The following ZFR variants were observed in gnomAD, a reference collection of about 807,000 sequenced individuals.
ZFR encodes zinc finger RNA-binding protein.
A neutral mutation model predicts 130.7 loss-of-function variants in ZFR; 19 were observed. The ratio of observed to expected loss-of-function variants is 0.15; its 90% confidence interval spans 0.10 to 0.21. ZFR has a LOEUF of 0.21. Among genes scored for constraint, ZFR ranks in the 10% least tolerant of loss-of-function variants. The pLI is 1.00. For missense variants in ZFR, 872 were observed against 1,321.5 expected (o/e 0.66, Z 5.27); for synonymous variants, 466 against 456.9 (o/e 1.02, Z -0.25).
chr5:32,364,481 C>T, intron 17 of ZFR: 1 of 269,860 alleles, frequency 3.7e-6, no homozygotes, highest in Non-Finnish European at 7.0e-6. Flanking sequence ...GTCTGTAATC[C>T]AAACACTTTG....
chr5:32,428,867 T>C lies in ZFR; in HGVS notation c.138-8764A>G, dbSNP rs1754134568. Among the ~76,000 whole-genome samples the C allele has an allele frequency of 3.9e-5, 6 of 152,092 alleles. No individual in the cohort carries two copies. In the South Asian group the frequency reaches 1.2e-3, roughly 32 times the overall value. On this transcript the variant is annotated intron_variant, in intron 2 of 19. Transcript: ENST00000265069. ...CAGCAAGCTACTGCACAAATATCAC[T>C]TTCCGTGTTAGCAGAGACATGGAAG...
intron 7 of ZFR, 105 bp from the exon 8 acceptor site, chr5:32,403,502 G>T: frequency 1.4e-6 from 2 of 1,392,916 alleles, no homozygotes; most frequent in Middle Eastern, 2.1e-4. Flanking sequence ...TTTCTTTGTT[G>T]TATTTTTTCT....
At chr5:32,417,269 A>G (rs1342622665) in intron 4 of ZFR, among the ~76,000 whole-genome samples, 3 of 152,164 alleles carry the variant, frequency 2.0e-5, no homozygotes, top group Non-Finnish European at 4.4e-5. Flanking sequence ...CGATCAGAGA[A>G]AGATTAATTA....
At chr5:32,359,533 G>C (rs972727151) in intron 19 of ZFR, among the ~76,000 whole-genome samples, 12 of 152,176 alleles carry the variant, frequency 7.9e-5, no homozygotes, top group Admixed American at 5.9e-4. Context: ...ACTGTAGCTG[G>C]TTTTCAATGA....
At chr5:32,413,172 G>C (rs1050791513) in intron 5 of ZFR, among the ~76,000 whole-genome samples, 7 of 150,576 alleles carry the variant, frequency 4.6e-5, no homozygotes, top group African/African-American at 1.7e-4. Context: ...CGAGGCGACA[G>C]AGTGAGACTC....
At chr5:32,433,635 A>G (rs1367543254) in intron 2 of ZFR, among the ~76,000 whole-genome samples, 1 of 152,158 alleles carries the variant, frequency 6.6e-6, no homozygotes, top group Non-Finnish European at 1.5e-5. Flanking sequence ...CCTGCAAAAC[A>G]TTTTCAATTT....
At chr5:32,389,971 C>T (rs921621935) in intron 12 of ZFR, among the ~76,000 whole-genome samples, 3 of 152,102 alleles carry the variant, frequency 2.0e-5, no homozygotes, top group African/African-American at 4.8e-5. Context: ...GCCAACGTGG[C>T]GAAACTCTAT....
chr5:32,430,770 G>GA (rs983242249), intron 2 of ZFR, among the ~76,000 whole-genome samples: 3 of 151,822 alleles, frequency 2.0e-5, no homozygotes, highest in Non-Finnish European at 4.4e-5. Flanking sequence ...TTAAGATGAA[G>GA]AAAAAAAACC....
intron 14 of ZFR, 141 bp downstream of exon 14, chr5:32,387,408 C>A (rs1453239725): frequency 3.5e-6 from 3 of 854,490 alleles, no homozygotes; most frequent in Non-Finnish European, 5.4e-6. Flanking sequence ...TCAGTTTGCA[C>A]AATCAAACAA....
chr5:32,388,783 ATCT>A (rs1463434099), intron 12 of ZFR, 109 bp from the exon 13 acceptor site: 9 of 1,040,844 alleles, frequency 8.6e-6, no homozygotes, highest in Non-Finnish European at 1.2e-5. Flanking sequence ...GAAAGCCTTT[ATCT>A]TCTTTTTTCC....
At chr5:32,441,831 G>C (rs989954120) in intron 2 of ZFR, among the ~76,000 whole-genome samples, 1 of 152,142 alleles carries the variant, frequency 6.6e-6, no homozygotes, top group Non-Finnish European at 1.5e-5. Context: ...TTATGTACAA[G>C]AGTGCCTAAG....
intron 8 of ZFR, among the ~76,000 whole-genome samples, chr5:32,402,278 G>C (rs1753464995): frequency 6.6e-6 from 1 of 152,170 alleles, no homozygotes; most frequent in African/African-American, 2.4e-5. Flanking sequence ...ATAATTGAGA[G>C]ACAGAGATGT....
At chr5:32,411,198 A>G (rs1013036608) in intron 5 of ZFR, among the ~76,000 whole-genome samples, 1 of 152,210 alleles carries the variant, frequency 6.6e-6, no homozygotes, top group South Asian at 2.1e-4. Context: ...AATAACTTTC[A>G]GTGGCAAAGA....
At position 32,367,292 on chromosome 5, in the gene ZFR, G is replaced by A. The variant is rs925707255; in HGVS notation, c.2836-3017C>T. Reference sequence around the variant, plus strand: ...CTACCAAAAACACAAAAAATTAGCCGGGTGTGGTGGCAGGTGCCTGTAATC... The same window carrying A: ...CTACCAAAAACACAAAAAATTAGCCAGGTGTGGTGGCAGGTGCCTGTAATC... On this transcript the variant is annotated intron_variant, in intron 17 of 19. Transcript: ENST00000265069. 5.3e-5 allele frequency among the ~76,000 whole-genome samples: 8 copies of A among 151,962 alleles called. No homozygotes were observed. In the East Asian group the frequency reaches 7.8e-4, roughly 15 times the overall value.
At chr5:32,363,479 G>A (rs914936673) in intron 19 of ZFR, among the ~76,000 whole-genome samples, 41 of 152,142 alleles carry the variant, frequency 2.7e-4, no homozygotes, top group African/African-American at 9.7e-4. Context: ...CCATATTACA[G>A]ATGAGATGGC....
intron 19 of ZFR, among the ~76,000 whole-genome samples, chr5:32,361,143 TC>T (rs2111653084): frequency 6.6e-6 from 1 of 152,326 alleles, no homozygotes; most frequent in South Asian, 2.1e-4. Flanking sequence ...TGACTGCTGT[TC>T]ACACTATTTT....
intron 12 of ZFR, 46 bp from the exon 13 acceptor site, chr5:32,388,720 C>A (rs773459686): frequency 6.7e-7 from 1 of 1,491,950 alleles, no homozygotes; most frequent in Non-Finnish European, 9.1e-7. Flanking sequence ...GTTTCCTGAG[C>A]AAAAGCAAAT....
chr5:32,358,559 C>A (rs1322441699), intron 19 of ZFR, among the ~76,000 whole-genome samples: 8 of 151,828 alleles, frequency 5.3e-5, no homozygotes, highest in Non-Finnish European at 1.0e-4. Context: ...ACTCGGGAGG[C>A]AGAGGCAGAA....
chr5:32,440,783 AC>A (rs1354005335), intron 2 of ZFR, among the ~76,000 whole-genome samples: 1 of 152,230 alleles, frequency 6.6e-6, no homozygotes, highest in Non-Finnish European at 1.5e-5. Flanking sequence ...AAATGTGGTA[AC>A]TAATCTACAA....
Sources: gnomAD v4.1 joint callset for allele counts (sites outside exome capture counted in the v4.1 genomes callset) on GRCh38, gnomAD v4.1.1 for gene constraint, MANE v1.5 for transcripts, NCBI Gene and HGNC (gene_info 2026-07-23, HGNC 2026-07-21) for gene names.